Variants in MYH14 observed in about 807,000 individuals in gnomAD.
MYH14 encodes myosin-14.
A neutral mutation model predicts 255.5 loss-of-function variants in MYH14; 123 were observed. The ratio of observed to expected loss-of-function variants is 0.48; its 90% CI spans 0.42 to 0.56. The LOEUF is 0.56. Ranked by LOEUF, MYH14 falls within the 20% of genes least tolerant of loss-of-function variation. The pLI is 0.00. For synonymous variants in MYH14, 1,095 were observed against 1,161.2 expected, an observed-to-expected ratio of 0.94 and a Z score of 1.16; for missense variants, 2,423 against 2,802.3, an observed-to-expected ratio of 0.86 and a Z score of 3.06.
At chr19:50,300,963 A>AC (rs397859234) in intron 39 of MYH14, among the ~76,000 whole-genome samples, 4 of 151,468 alleles carry the variant, frequency 2.6e-5, no homozygotes, top group South Asian at 4.2e-4. Flanking sequence ...AAAAAAAAAA[A>AC]CCCCACAAAG....
chr19:50,213,592 C>A (rs1015277708), intron 2 of MYH14, among the ~76,000 whole-genome samples: 1 of 152,114 alleles, frequency 6.6e-6, no homozygotes, highest in Admixed American at 6.6e-5. Context: ...GCACATTGGG[C>A]CTTAATAAAG....
At position 50,295,528 on chromosome 19, in the gene MYH14, C is replaced by T. The variant is rs1055905808; in HGVS notation, c.5469+1841C>T. Among the ~76,000 whole-genome samples the T allele has an allele frequency of 3.3e-5, 5 of 151,926 alleles. 1 individual carries two copies. The highest frequency in any genetic ancestry group is 1.3e-4 in the Admixed American group (2 of 15,256). ...AGAAAAGAAATTACGTTTAGTGGGG[C>T]GCAGTGGGTCACGCCTGGAATCCCA... On this transcript the variant is annotated intron_variant, in intron 39 of 42. Transcript: ENST00000642316.
chr19:50,281,503 GTC>G, intron 32 of MYH14, 89 bp from the exon 33 acceptor site: 1 of 1,503,866 alleles, frequency 6.6e-7, no homozygotes. Flanking sequence ...TCAGGCCTCA[GTC>G]TCTTCATCCT....
chr19:50,265,578 T>C (rs939299877), intron 22 of MYH14, among the ~76,000 whole-genome samples: 3 of 151,918 alleles, frequency 2.0e-5, no homozygotes, highest in African/African-American at 7.3e-5. Context: ...CCCAGCAGTT[T>C]GGGAGGCTGA....
intron 1 of MYH14, among the ~76,000 whole-genome samples, chr19:50,210,146 C>T (rs1257019985): frequency 1.4e-5 from 2 of 142,082 alleles, no homozygotes; most frequent in Admixed American, 1.4e-4. Flanking sequence ...CCCTCTGAGC[C>T]TGGTTCACAG....
intron 39 of MYH14, 35 bp from the exon 40 acceptor site, chr19:50,301,626 C>A: frequency 6.4e-7 from 1 of 1,572,292 alleles, no homozygotes. Flanking sequence ...CTCTGAGACT[C>A]CACCATGACA....
intron 39 of MYH14, 74 bp from the exon 40 acceptor site, chr19:50,301,587 G>C: frequency 8.8e-7 from 1 of 1,140,846 alleles, no homozygotes; most frequent in Non-Finnish European, 1.3e-6. Context: ...TTAATTCTCA[G>C]AGGTGCCTGG....
chr19:50,287,282 G>A (rs1601029023), intron 34 of MYH14, among the ~76,000 whole-genome samples: 2 of 152,254 alleles, frequency 1.3e-5, no homozygotes, highest in African/African-American at 4.8e-5. Flanking sequence ...TTCACAGAAC[G>A]TGAGGAGAAT....
chr19:50,266,771 A>T lies in MYH14; in HGVS notation c.2695-106A>T. 1 of 1,448,136 alleles carries T rather than the reference A, an allele frequency of 6.9e-7. No homozygotes were observed. The highest frequency in any genetic ancestry group is 9.4e-7 in the Non-Finnish European group (1 of 1,061,308). The allele number at this position is 1,448,136 out of a possible 1,614,324, so 89.7% of individuals were successfully genotyped here. On this transcript the variant is annotated intron_variant, in intron 22 of 42. Coordinates refer to ENST00000642316, the MANE Select transcript of MYH14 (RefSeq NM_001145809.2). This position sits in a 1 kb window ranked among gnomAD's most constrained non-coding sequence, Gnocchi z 4.1. ...GTTGCCAAGGCGGGGACACACAGCT[A>T]ATAGGTGGAGGAGAAGGGATTTGAA...
intron 2 of MYH14, among the ~76,000 whole-genome samples, chr19:50,215,241 G>A (rs1302197253): frequency 6.6e-6 from 1 of 152,190 alleles, no homozygotes. Context: ...GTGGGGAGTG[G>A]GTTCCTCCGC....
At position 50,257,464 on chromosome 19, in the gene MYH14, T is replaced by C. The variant is rs1208047576; in HGVS notation, c.2210T>C (p.Ile737Thr). The C allele has an allele frequency of 2.5e-6, 4 of 1,604,270 alleles. No individual in the cohort carries two copies. The highest frequency in any genetic ancestry group is 3.4e-6 in the Non-Finnish European group (4 of 1,175,234). The stretch of plus-strand genomic sequence containing the variant: ...ACCAACCCCAGTTTTGTCCGCTGCA[T>C]TGTCCCCAACCACGAGAAGAGGGTG... Reference protein sequence around the residue: ...SNTNPSFVRCIVPNHEKRAGK... With the variant: ...SNTNPSFVRCTVPNHEKRAGK... Residue 737 changes from isoleucine (I) to threonine (T), a missense_variant, in exon 18 of 43, where the codon ATT becomes ACT. Ile to Thr is a moderately conservative substitution (Grantham distance 89). This residue lies in a region of MYH14 where 672 missense variants were observed against 881.8 expected (regional missense o/e 0.76). Coordinates refer to ENST00000642316, the MANE Select transcript of MYH14 (RefSeq NM_001145809.2).
At position 50,249,039 on chromosome 19, in the gene MYH14, G is replaced by A. The variant is rs370353590; in HGVS notation, c.1382G>A (p.Arg461His). ...AAGGCCACCTACGAGCGCCTCTTCC[G>A]CTGGCTGGTTCTGCGCCTCAACCGG... ...LAKATYERLF[R>H]WLVLRLNRAL... The change falls in exon 13 of 43, where the codon CGC becomes CAC. Residue 461 changes from arginine to histidine, a missense_variant. By Grantham distance (29) the Arg-to-His change is conservative. Coordinates refer to ENST00000642316, the MANE Select transcript of MYH14 (RefSeq NM_001145809.2). 1.2e-5 allele frequency: 20 copies of A among 1,613,176 alleles called. No homozygotes were observed. In the East Asian group the frequency reaches 1.6e-4, roughly 13 times the overall value.
chr19:50,230,511 C>A lies in MYH14; in HGVS notation c.875-14C>A, dbSNP rs761624201. The A allele has an allele frequency of 6.4e-7, 1 of 1,554,088 alleles. No individual in the cohort carries two copies. The highest frequency in any genetic ancestry group is 1.2e-5 in the South Asian group (1 of 84,140). ...CGTCCCTTCCCCTCTAGCACCTTGA[C>A]TCGCTGTGTCCAGACCTGCTGGAGA... On this transcript the variant is annotated splice_polypyrimidine_tract_variant and intron_variant, in intron 8 of 42. Coordinates refer to ENST00000642316, the MANE Select transcript of MYH14 (RefSeq NM_001145809.2). This position sits in a 1 kb window ranked among gnomAD's most constrained non-coding sequence, Gnocchi z 4.7.
At chr19:50,229,894 A>T (rs1172185317) in intron 8 of MYH14, among the ~76,000 whole-genome samples, 1 of 152,000 alleles carries the variant, frequency 6.6e-6, no homozygotes, top group African/African-American at 2.4e-5. Flanking sequence ...CTTCACAGCA[A>T]CTCATCCAGG....
rs1318162498 is a variant in MYH14 at position 50,280,463 on chromosome 19, C to T, written c.4290+80C>T. 6.5e-6 allele frequency: 9 copies of T among 1,387,204 alleles called. No homozygotes were observed. In the Admixed American group the frequency reaches 7.8e-5, roughly 12 times the overall value. 85.9% of individuals were successfully genotyped at this position (1,387,204 alleles called of 1,614,324 possible). On this transcript the variant is annotated intron_variant, in intron 32 of 42. Coordinates refer to ENST00000642316, the MANE Select transcript of MYH14 (RefSeq NM_001145809.2). The surrounding 1 kb of genome is among the most constrained non-coding windows in gnomAD (Gnocchi z 4.8). Reference sequence around the variant, plus strand: ...CCTGGGTTCCCCAGCTCAGGGATGGCCATGCTGCCCACCTTCTCATAGGCC... The same window carrying T: ...CCTGGGTTCCCCAGCTCAGGGATGGTCATGCTGCCCACCTTCTCATAGGCC...
At chr19:50,278,438 A>C in intron 30 of MYH14, 149 bp downstream of exon 30, 1 of 558,506 alleles carries the variant, frequency 1.8e-6, no homozygotes, top group Non-Finnish European at 2.9e-6. Flanking sequence ...ACAGTGGCTC[A>C]TGTCTGTAAT....
chr19:50,280,408 C>T lies in MYH14; in HGVS notation c.4290+25C>T. 1 of 1,499,006 alleles carries T rather than the reference C, an allele frequency of 6.7e-7. No individual in the cohort carries two copies. Among genetic ancestry groups the T allele is most frequent in the Non-Finnish European group, 8.9e-7 (1 of 1,118,156 alleles). The allele number at this position is 1,499,006 out of a possible 1,614,324, so 92.9% of individuals were successfully genotyped here. On this transcript the variant is annotated intron_variant, in intron 32 of 42. Coordinates refer to ENST00000642316, the MANE Select transcript of MYH14 (RefSeq NM_001145809.2). This position sits in a 1 kb window ranked among gnomAD's most constrained non-coding sequence, Gnocchi z 4.8. ...GGTGAGCAGCCCTACGTAAGACCTTCAGGGAGGCACAGCCCCCCTCACTGC... is the reference window on the plus strand; with the variant it reads ...GGTGAGCAGCCCTACGTAAGACCTTTAGGGAGGCACAGCCCCCCTCACTGC...
At chr19:50,291,208 G>T (rs961435466) in intron 36 of MYH14, among the ~76,000 whole-genome samples, 160 bp downstream of exon 36, 3 of 152,042 alleles carry the variant, frequency 2.0e-5, no homozygotes, top group African/African-American at 7.3e-5. Flanking sequence ...CCAGAGGCTG[G>T]CTTCCTTCTT....
chr19:50,280,223 A>G lies in MYH14; in HGVS notation c.4138-8A>G, dbSNP rs1207449219. 1 of 1,552,730 alleles carries G rather than the reference A, an allele frequency of 6.4e-7. No homozygotes were observed. Among genetic ancestry groups the G allele is most frequent in the African/African-American group, 1.4e-5 (1 of 73,162 alleles). Reference sequence around the variant, plus strand: ...CACACCTGACATTGCCGTCTCCTCCATCTACAGGAGCTGCTGCAGGAGGAG... The same window carrying G: ...CACACCTGACATTGCCGTCTCCTCCGTCTACAGGAGCTGCTGCAGGAGGAG... On this transcript the variant is annotated splice_region_variant and splice_polypyrimidine_tract_variant and intron_variant, in intron 31 of 42. Coordinates refer to ENST00000642316, the MANE Select transcript of MYH14 (RefSeq NM_001145809.2). This position sits in a 1 kb window ranked among gnomAD's most constrained non-coding sequence, Gnocchi z 4.8.
Sources: allele counts gnomAD v4.1 joint callset (sites outside exome capture counted in the v4.1 genomes callset), GRCh38; gene constraint gnomAD v4.1.1; regional missense constraint gnomAD v4.1.1; non-coding constraint Gnocchi (gnomAD v3.1); transcripts MANE v1.5; gene names NCBI Gene and HGNC (gene_info 2026-07-23, HGNC 2026-07-21).